The following EIF4G3 variants were observed in gnomAD, a reference collection of about 807,000 sequenced individuals.
EIF4G3 encodes the protein eIF-4-gamma 3.
EIF4G3 carries 34 observed loss-of-function variants against 186.4 expected under a neutral mutation model. That is an observed-to-expected ratio of 0.18 (90% CI 0.14 to 0.24). The LOEUF is 0.24. Ranked by LOEUF, EIF4G3 falls within the 10% of genes least tolerant of loss-of-function variation. EIF4G3 has a pLI of 1.00. For synonymous variants in EIF4G3, 673 were observed against 679.5 expected (o/e 0.99, Z 0.15); for missense variants, 1,536 against 1,948.5 (o/e 0.79, Z 3.99).
chr1:20,998,354 AT>A (rs1194567532), intron 6 of EIF4G3, among the ~76,000 whole-genome samples: 2 of 152,156 alleles, frequency 1.3e-5, no homozygotes, highest in Non-Finnish European at 2.9e-5. Flanking sequence ...TCCAAGTGGT[AT>A]TCTTATAGGC....
chr1:21,004,945 T>C (rs1172168698), intron 4 of EIF4G3, among the ~76,000 whole-genome samples: 1 of 152,132 alleles, frequency 6.6e-6, no homozygotes, highest in Non-Finnish European at 1.5e-5. Context: ...TTTCCTACTC[T>C]AGTTCTACTA....
At chr1:20,892,584 G>T in intron 18 of EIF4G3, 1 of 1,296,322 alleles carries the variant, frequency 7.7e-7, no homozygotes, top group Non-Finnish European at 1.1e-6. Flanking sequence ...TAACACCAGA[G>T]ACTATTATTA....
At chr1:20,892,267 T>C (rs2086335872) in intron 18 of EIF4G3, among the ~76,000 whole-genome samples, 1 of 152,288 alleles carries the variant, frequency 6.6e-6, no homozygotes, top group Middle Eastern at 3.4e-3. Flanking sequence ...TCCAAAATGT[T>C]AGATTTATTG....
In EIF4G3 at chr1:20,973,108, T is replaced by A. The variant is rs2076218030; in HGVS notation, c.494-9A>T. ...TGGGTAAAAAGGCGTTCCTAAAAAG[T>A]TGGAAAAAATTAAATAGGCATTCAG... On this transcript the variant is annotated splice_polypyrimidine_tract_variant and intron_variant, in intron 10 of 36. Coordinates refer to ENST00000602326, the MANE Select transcript of EIF4G3 (RefSeq NM_001391906.1). The A allele has an allele frequency of 6.2e-7, 1 of 1,604,332 alleles. No homozygotes were observed. Among genetic ancestry groups the A allele is most frequent in the African/African-American group, 1.3e-5 (1 of 74,536 alleles).
chr1:20,834,837 A>T (rs1453391214), intron 30 of EIF4G3, among the ~76,000 whole-genome samples: 1 of 152,232 alleles, frequency 6.6e-6, no homozygotes, highest in Non-Finnish European at 1.5e-5. Flanking sequence ...CTAGACAGAA[A>T]ATCAGTAAGG....
intron 34 of EIF4G3, 116 bp from the exon 35 acceptor site, chr1:20,813,355 G>A (rs2059634671): frequency 1.9e-6 from 1 of 522,420 alleles, no homozygotes; most frequent in Admixed American, 2.9e-5. Flanking sequence ...CTTGAGGCTA[G>A]GAGTTGAGAC....
intron 13 of EIF4G3, among the ~76,000 whole-genome samples, chr1:20,949,272 T>C (rs1044951414): frequency 1.3e-5 from 2 of 152,174 alleles, no homozygotes; most frequent in African/African-American, 4.8e-5. Context: ...TTCCTTTAAG[T>C]TTTCTATTAT....
At chr1:21,054,200 T>C (rs922394163) in intron 3 of EIF4G3, among the ~76,000 whole-genome samples, 3 of 151,888 alleles carry the variant, frequency 2.0e-5, no homozygotes, top group African/African-American at 7.3e-5. Context: ...AAACATGTGC[T>C]GTGTCCACTC....
rs1429887251 is a variant in EIF4G3, at chr1:21,050,991, TTAC to T, written c.-195_-193del. The stretch of plus-strand genomic sequence containing the variant: ...GTTCCCGGCTGTCTTGCCACTTGTG[TTAC>T]CTGTGAGGAAATCAATATTTAGTAA... On this transcript the variant is annotated splice_region_variant and 5_prime_UTR_variant, in exon 4 of 37. Transcript: ENST00000602326. 4 of 717,484 alleles carry T rather than the reference TTAC, an allele frequency of 5.6e-6. No homozygotes were observed. The African/African-American group carries it at 7.0e-5, about 13-fold the overall frequency. 44.4% of individuals were successfully genotyped at this position (717,484 alleles called of 1,614,324 possible). A position where few individuals can be genotyped will look rare whatever the true frequency, so the allele number is the denominator to read the frequency against.
chr1:21,124,372 T>A (rs2096987224), intron 2 of EIF4G3, among the ~76,000 whole-genome samples: 1 of 152,100 alleles, frequency 6.6e-6, no homozygotes, highest in South Asian at 2.1e-4. Context: ...TGTCCAACAG[T>A]AAAGCAGTAA....
intron 2 of EIF4G3, among the ~76,000 whole-genome samples, chr1:21,101,829 C>G (rs1225253374): frequency 2.0e-5 from 3 of 152,006 alleles, no homozygotes; most frequent in South Asian, 4.1e-4. Context: ...AATTTGTATT[C>G]TGCAACACAG....
At chr1:21,125,752 T>C (rs2097022862) in intron 2 of EIF4G3, among the ~76,000 whole-genome samples, 1 of 136,946 alleles carries the variant, frequency 7.3e-6, no homozygotes, top group African/African-American at 2.8e-5. Context: ...TAAATATATA[T>C]AATTTTTTTA....
intron 33 of EIF4G3, among the ~76,000 whole-genome samples, chr1:20,819,167 C>T (rs935918): frequency 0.33 from 49,662 of 151,972 alleles, 8,726 homozygotes; most frequent in Non-Finnish European, 0.39. Context: ...TGCAAAAAAG[C>T]ACAACATGAA....
At chr1:21,041,308 G>A (rs777636058) in intron 4 of EIF4G3, among the ~76,000 whole-genome samples, 35 of 152,024 alleles carry the variant, frequency 2.3e-4, no homozygotes, top group South Asian at 1.2e-3. Context: ...GGCTCATCTC[G>A]AACTCTTGGG....
chr1:20,969,306 T>C (rs1032521665), intron 12 of EIF4G3, among the ~76,000 whole-genome samples, 168 bp downstream of exon 12: 2 of 152,210 alleles, frequency 1.3e-5, no homozygotes, highest in Non-Finnish European at 2.9e-5. Context: ...AAAAATATTA[T>C]AATTTGCAAA....
At chr1:21,150,834 G>C (rs113138182) in intron 2 of EIF4G3, among the ~76,000 whole-genome samples, 15,292 of 152,152 alleles carry the variant, frequency 0.1, 1,002 homozygotes, top group East Asian at 0.26. Context: ...AAATTAGCTG[G>C]GCATGGTGGC....
chr1:20,848,247 T>A (rs2071891366), intron 29 of EIF4G3, among the ~76,000 whole-genome samples: 1 of 152,212 alleles, frequency 6.6e-6, no homozygotes, highest in Admixed American at 6.5e-5. Context: ...ATTACAGGCA[T>A]GAGTCACTGC....
At chr1:21,090,727 C>G (rs1003369880) in intron 2 of EIF4G3, among the ~76,000 whole-genome samples, 4 of 152,194 alleles carry the variant, frequency 2.6e-5, no homozygotes, top group Non-Finnish European at 5.9e-5. Context: ...AACCTTGCCC[C>G]ACTCCACTAC....
At chr1:21,081,983 C>T (rs571871355) in intron 3 of EIF4G3, among the ~76,000 whole-genome samples, 15 of 151,278 alleles carry the variant, frequency 9.9e-5, no homozygotes, top group Admixed American at 4.0e-4. Flanking sequence ...TACAGAGACA[C>T]GGTCTCACCA....
Sources: allele counts gnomAD v4.1 joint callset (sites outside exome capture counted in the v4.1 genomes callset), GRCh38; gene constraint gnomAD v4.1.1; transcripts MANE v1.5; gene names NCBI Gene and HGNC (gene_info 2026-07-23, HGNC 2026-07-21).